Variants in CEP128 observed in about 807,000 individuals in gnomAD.
The protein encoded by CEP128 is centrosomal protein 128.
In CEP128, 132 loss-of-function variants were observed where a neutral mutation model predicts 156.7. That is an observed-to-expected ratio of 0.84 (90% CI 0.73 to 0.97). CEP128 has a LOEUF of 0.97. Ranked by LOEUF, CEP128 falls within the 50% of genes least tolerant of loss-of-function variation. CEP128 has a pLI of 0.00. For missense variants in CEP128, 1,252 were observed against 1,281.9 expected, an observed-to-expected ratio of 0.98 and a Z score of 0.36; for synonymous variants, 469 against 448.9, an observed-to-expected ratio of 1.04 and a Z score of -0.57.
upstream of CEP128, among the ~76,000 whole-genome samples, chr14:80,946,262 CTA>C (rs1438306112): frequency 6.6e-6 from 1 of 151,086 alleles, no homozygotes; most frequent in African/African-American, 2.5e-5. Context: ...TATTGGTACT[CTA>C]TTATTTTGTT....
Position 80,514,830 on chromosome 14 carries a change from G to A in CEP128, c.3073-9810C>T, listed in dbSNP as rs771874928. On this transcript the variant is annotated intron_variant, in intron 23 of 24. Transcript: ENST00000555265. ...AGAGTTGGGTATCTATTGTAGTCTC[G>A]GCAGTCTAGGTTTGTTTGGATCCAT... 4.3e-4 allele frequency among the ~76,000 whole-genome samples: 66 copies of A among 152,010 alleles called. 1 individual carries two copies. Among genetic ancestry groups the A allele is most frequent in the Non-Finnish European group, 2.1e-4 (14 of 68,008 alleles).
rs548491736 is a variant in CEP128 at position 80,591,580 on chromosome 14, A to G, written c.2807-11157T>C. ...TGGGAGACTTTAACACCCCACTGTC[A>G]ATACTAGACAGATCAATGAGACAGA... On this transcript the variant is annotated intron_variant, in intron 19 of 24. Transcript: ENST00000555265. 1.4e-4 allele frequency among the ~76,000 whole-genome samples: 22 copies of G among 152,302 alleles called. No homozygotes were observed. In the East Asian group the frequency reaches 3.7e-3, roughly 25 times the overall value.
chr14:80,902,238 G>T (rs754511425), intron 6 of CEP128, among the ~76,000 whole-genome samples: 59 of 152,122 alleles, frequency 3.9e-4, no homozygotes, highest in Non-Finnish European at 1.3e-4. Context: ...AAAAGACAAG[G>T]TTTCTGCTCA....
intron 9 of CEP128, among the ~76,000 whole-genome samples, chr14:80,846,398 C>A (rs1886603416): frequency 6.6e-6 from 1 of 151,908 alleles, no homozygotes; most frequent in Middle Eastern, 3.4e-3. Context: ...TCTTCAAGAA[C>A]CTAGAAAGTG....
intron 19 of CEP128, among the ~76,000 whole-genome samples, chr14:80,688,208 A>C (rs1896592399): frequency 6.6e-6 from 1 of 152,152 alleles, no homozygotes; most frequent in Admixed American, 6.5e-5. Flanking sequence ...TATTTTATTA[A>C]TTTTATTTAA....
chr14:80,644,709 A>T (rs1894563508), intron 19 of CEP128, among the ~76,000 whole-genome samples: 1 of 152,194 alleles, frequency 6.6e-6, no homozygotes, highest in African/African-American at 2.4e-5. Context: ...TAAGGTAATA[A>T]TTTAACTACT....
rs1299662570 is a variant in CEP128 at position 80,822,594 on chromosome 14, G to C, written c.1209+8549C>G. ...AAGGTGAAGGACGAATCACACAGAAGATCCATGAGGTTGTCAGCTAAACCT... is the reference window on the plus strand; with the variant it reads ...AAGGTGAAGGACGAATCACACAGAACATCCATGAGGTTGTCAGCTAAACCT... On this transcript the variant is annotated intron_variant, in intron 13 of 24. Coordinates refer to ENST00000555265, the MANE Select transcript of CEP128 (RefSeq NM_152446.5). 2.1e-5 allele frequency: 15 copies of C among 709,644 alleles called. No homozygotes were observed. The East Asian group carries it at 4.1e-4, about 20-fold the overall frequency. 44.0% of individuals were successfully genotyped at this position (709,644 alleles called of 1,614,324 possible).
At chr14:80,694,286 T>C (rs748638656) in intron 19 of CEP128, among the ~76,000 whole-genome samples, 7 of 151,944 alleles carry the variant, frequency 4.6e-5, no homozygotes, top group Non-Finnish European at 1.0e-4. Context: ...GTGGAGAAAT[T>C]TTTACGCCGT....
At chr14:80,765,542 T>G (rs75429550) in intron 16 of CEP128, among the ~76,000 whole-genome samples, 1,580 of 152,324 alleles carry the variant, frequency 0.01, 15 homozygotes, top group Middle Eastern at 0.041. Flanking sequence ...CAAAATGTGG[T>G]ATATTAGAGA....
At chr14:80,900,066 C>A (rs764218238) in intron 6 of CEP128, 37 bp from the exon 7 acceptor site, 2 of 1,329,670 alleles carry the variant, frequency 1.5e-6, no homozygotes, top group East Asian at 2.3e-5. Context: ...ATTTAGAATT[C>A]TGTTGAATTC....
chr14:80,774,822 T>G (rs1900707147), intron 16 of CEP128, among the ~76,000 whole-genome samples: 1 of 152,230 alleles, frequency 6.6e-6, no homozygotes, highest in Non-Finnish European at 1.5e-5. Context: ...CACATGTGCC[T>G]TCAATATCAC....
rs369125716 is a variant in CEP128, at chr14:80,628,991, T to C, written c.2807-48568A>G. ...GCCACAGTTAGACTACATTTGTATT[T>C]TTAGTTCCTAAGTGAATAAATACCT... On this transcript the variant is annotated intron_variant, in intron 19 of 24. Coordinates refer to ENST00000555265, the MANE Select transcript of CEP128 (RefSeq NM_152446.5). Among the ~76,000 whole-genome samples the C allele has an allele frequency of 1.2e-3, 189 of 152,248 alleles. 4 individuals carry two copies. In the Middle Eastern group the frequency reaches 0.021, roughly 17 times the overall value.
chr14:80,782,317 C>T (rs1414682607), intron 15 of CEP128, among the ~76,000 whole-genome samples: 1 of 152,216 alleles, frequency 6.6e-6, no homozygotes, highest in Non-Finnish European at 1.5e-5. Context: ...ATGACCACAC[C>T]TTAGACCTCA....
chr14:80,692,246 AG>A (rs1477351173), intron 19 of CEP128, among the ~76,000 whole-genome samples: 2 of 152,218 alleles, frequency 1.3e-5, no homozygotes, highest in African/African-American at 4.8e-5. Flanking sequence ...CAGTAAATGC[AG>A]AAGTTTAGTT....
At chr14:80,953,564 G>A (rs1886514851) in intron 2 of CEP128, among the ~76,000 whole-genome samples, 1 of 152,208 alleles carries the variant, frequency 6.6e-6, no homozygotes, top group African/African-American at 2.4e-5. Context: ...CAGCCTGGGC[G>A]ACAGGGCGAG....
At position 80,741,885 on chromosome 14, in the gene CEP128, G is replaced by A. The variant is rs531695898; in HGVS notation, c.2806+1190C>T. On this transcript the variant is annotated intron_variant, in intron 19 of 24. Coordinates refer to ENST00000555265, the MANE Select transcript of CEP128 (RefSeq NM_152446.5). ...AAAAAAAAAAAGTTTAAATCACTAC[G>A]CAGATAAATTCTGCAGAAAATCTTT... is the stretch of plus-strand genomic sequence containing the variant. Among the ~76,000 whole-genome samples the A allele has an allele frequency of 4.0e-5, 6 of 151,586 alleles. No homozygotes were observed. In the South Asian group the frequency reaches 1.0e-3, roughly 26 times the overall value.
rs397793185 is a variant in CEP128, at chr14:80,789,814, GT to G, written c.1560+2945del. On this transcript the variant is annotated intron_variant, in intron 14 of 24. Transcript: ENST00000555265. ...TACAAAGTATTATATACGCAGTTTG[GT>G]TTTTTTTTTTTAACTAACTAAAAGG... is the stretch of plus-strand genomic sequence containing the variant. 1.9e-3 allele frequency among the ~76,000 whole-genome samples: 284 copies of G among 145,748 alleles called. 4 individuals are homozygous for G. In the South Asian group the frequency reaches 0.033, roughly 17 times the overall value.
chr14:80,817,863 G>GAGA (rs1375195782), intron 13 of CEP128, among the ~76,000 whole-genome samples: 5 of 147,108 alleles, frequency 3.4e-5, no homozygotes, highest in Admixed American at 3.4e-4. Context: ...CCTGGTGACA[G>GAGA]AGAAGAAAAA....
intron 19 of CEP128, among the ~76,000 whole-genome samples, chr14:80,671,809 T>C (rs1019819893): frequency 1.2e-4 from 17 of 145,390 alleles, no homozygotes; most frequent in Admixed American, 2.1e-4. Context: ...TTCACTGATC[T>C]CCTTATTGTA....
Sources: allele counts gnomAD v4.1 joint callset (sites outside exome capture counted in the v4.1 genomes callset), GRCh38; gene constraint gnomAD v4.1.1; transcripts MANE v1.5; gene names NCBI Gene and HGNC (gene_info 2026-07-23, HGNC 2026-07-21).